Variants in GADL1 observed in about 807,000 individuals in gnomAD.
The protein encoded by GADL1 is GAD like acidic amino acid decarboxylase 1, also known as acidic amino acid decarboxylase GADL1.
GADL1 carries 71 observed loss-of-function variants against 69.5 expected under a neutral mutation model. That is an observed-to-expected ratio of 1.02 (90% CI 0.84 to 1.25). GADL1 has a LOEUF of 1.25. Among genes scored for constraint, GADL1 ranks in the 50% most tolerant of loss-of-function variants. The probability of loss-of-function intolerance (pLI) is 0.00; values close to 1 mark genes in which losing one functional copy is unlikely to be tolerated. For missense variants in GADL1, 737 were observed against 631.8 expected, an observed-to-expected ratio of 1.17 and a Z score of -1.79; for synonymous variants, 254 against 214.4, an observed-to-expected ratio of 1.18 and a Z score of -1.62.
chr3:30,836,561 A>G (rs1559356641), intron 9 of GADL1, among the ~76,000 whole-genome samples: 1 of 152,122 alleles, frequency 6.6e-6, no homozygotes, highest in African/African-American at 2.4e-5. Context: ...ACTATATGTG[A>G]GGCACCACAG....
intron 2 of GADL1, among the ~76,000 whole-genome samples, chr3:30,859,085 G>C (rs1698275945): frequency 6.6e-6 from 1 of 152,008 alleles, no homozygotes; most frequent in South Asian, 2.1e-4. Context: ...GACTTAGAGA[G>C]GTGGGGGCGG....
chr3:30,754,338 TATC>T (rs1430467757), intron 14 of GADL1, among the ~76,000 whole-genome samples: 1 of 150,328 alleles, frequency 6.7e-6, no homozygotes, highest in African/African-American at 2.5e-5. Flanking sequence ...TGAAACAAGT[TATC>T]AAGTAATATC....
intron 1 of GADL1, among the ~76,000 whole-genome samples, chr3:30,868,577 TGTG>T (rs1698436729): frequency 6.6e-6 from 1 of 151,368 alleles, no homozygotes; most frequent in Non-Finnish European, 1.5e-5. Context: ...AAGGGTCAAA[TGTG>T]GTAATGTGTG....
intron 1 of GADL1, among the ~76,000 whole-genome samples, chr3:30,868,815 A>G (rs1487127687): frequency 6.6e-6 from 1 of 151,888 alleles, no homozygotes; most frequent in Non-Finnish European, 1.5e-5. Flanking sequence ...AGCAATAGAA[A>G]AATAATGTTT....
intron 14 of GADL1, among the ~76,000 whole-genome samples, chr3:30,758,339 A>C (rs565988356): frequency 6.6e-6 from 1 of 152,156 alleles, no homozygotes; most frequent in Non-Finnish European, 1.5e-5. Context: ...TCTCTGGGCT[A>C]TTCTTTGCAG....
At chr3:30,771,966 A>AC (rs1171010669) in intron 14 of GADL1, among the ~76,000 whole-genome samples, 10 of 152,338 alleles carry the variant, frequency 6.6e-5, no homozygotes, top group Admixed American at 5.2e-4. Context: ...AGAGATACTG[A>AC]AGCCCTCCCT....
intron 1 of GADL1, among the ~76,000 whole-genome samples, chr3:30,888,883 T>C (rs1471859006): frequency 6.6e-6 from 1 of 151,722 alleles, no homozygotes; most frequent in African/African-American, 2.4e-5. Context: ...GGCAACCAGA[T>C]GTTAGAAAGA....
At chr3:30,861,822 A>G in intron 1 of GADL1, 57 bp from the exon 2 acceptor site, 3 of 1,162,590 alleles carry the variant, frequency 2.6e-6, no homozygotes, top group Non-Finnish European at 3.6e-6. Context: ...CCACATAACA[A>G]AGCACGGGAC....
chr3:30,777,943 C>G (rs1157800), intron 14 of GADL1, among the ~76,000 whole-genome samples: 17,906 of 152,148 alleles, frequency 0.12, 3,098 homozygotes, highest in African/African-American at 0.39. Flanking sequence ...ACACTGTGAG[C>G]CAGAACTTCT....
intron 14 of GADL1, among the ~76,000 whole-genome samples, chr3:30,751,839 AAC>A (rs1223362456): frequency 6.6e-6 from 1 of 152,188 alleles, no homozygotes; most frequent in Non-Finnish European, 1.5e-5. Flanking sequence ...TCTCTGACTA[AAC>A]ACAGAAGTAG....
In GADL1 at chr3:30,854,807, A is replaced by T; in HGVS notation, c.338-18T>A. 7.4e-7 allele frequency: 1 copy of T among 1,343,528 alleles called. No individual in the cohort carries two copies. The highest frequency in any genetic ancestry group is 1.0e-6 in the Non-Finnish European group (1 of 960,208). 83.2% of individuals were successfully genotyped at this position (1,343,528 alleles called of 1,614,324 possible). ...TGGGTGGTCTGTAAATTTAAAATGG[A>T]GTATTCATCTATGCAGCAATAAAAA... On this transcript the variant is annotated intron_variant, in intron 3 of 14. Coordinates refer to ENST00000282538, the MANE Select transcript of GADL1 (RefSeq NM_207359.3).
chr3:30,827,101 G>A (rs1697693300), intron 11 of GADL1, among the ~76,000 whole-genome samples: 1 of 151,920 alleles, frequency 6.6e-6, no homozygotes. Flanking sequence ...ACTTCACATT[G>A]TGGGTAAAAA....
At chr3:30,764,141 ACG>A (rs1301145311) in intron 14 of GADL1, among the ~76,000 whole-genome samples, 1 of 143,884 alleles carries the variant, frequency 7.0e-6, no homozygotes, top group African/African-American at 2.6e-5. Flanking sequence ...AAATATATTA[ACG>A]CTTTACTGAA....
intron 6 of GADL1, among the ~76,000 whole-genome samples, chr3:30,845,749 A>G (rs997432575): frequency 6.6e-6 from 1 of 152,178 alleles, no homozygotes; most frequent in African/African-American, 2.4e-5. Context: ...CCACCAGCCT[A>G]TGCTGGCTGG....
rs558740132 is a variant in GADL1, at chr3:30,793,615, TTCTGGCTTGA to T, written c.1251-7219_1251-7210del. Among the ~76,000 whole-genome samples the T allele has an allele frequency of 3.3e-4, 50 of 152,310 alleles. No homozygotes were observed. In the East Asian group the frequency reaches 3.7e-3, roughly 11 times the overall value. ...ACTGTGGGGTAAGAACATATTAGTA[TTCTGGCTTGA>T]TCTTGGCATATGCATTAATGATAAA... On this transcript the variant is annotated intron_variant, in intron 12 of 14. Transcript: ENST00000282538.
At chr3:30,877,674 C>T (rs2125543633) in intron 1 of GADL1, among the ~76,000 whole-genome samples, 1 of 151,860 alleles carries the variant, frequency 6.6e-6, no homozygotes, top group East Asian at 1.9e-4. Context: ...ATTAAAAGAT[C>T]AAACAACACA....
In GADL1 at chr3:30,749,041, C is replaced by T. The variant is rs1009398660; in HGVS notation, c.1393-20626G>A. Among the ~76,000 whole-genome samples, 3 of 152,198 alleles carry T rather than the reference C, an allele frequency of 2.0e-5. No homozygotes were observed. In the East Asian group the frequency reaches 5.8e-4, roughly 29 times the overall value. ...GGTTCTTTTACTATAATTATCAATTCCCGAATCAATCTTGCCTTCATGTAC... is the reference window on the plus strand; with the variant it reads ...GGTTCTTTTACTATAATTATCAATTTCCGAATCAATCTTGCCTTCATGTAC... On this transcript the variant is annotated intron_variant, in intron 14 of 14. Transcript: ENST00000282538.
chr3:30,828,780 C>T (rs1350984816), intron 11 of GADL1, among the ~76,000 whole-genome samples: 1 of 151,860 alleles, frequency 6.6e-6, no homozygotes, highest in African/African-American at 2.4e-5. Context: ...CATGTACACA[C>T]ATATGCACAT....
chr3:30,770,910 T>C lies in GADL1; in HGVS notation c.1392+7269A>G, dbSNP rs150194158. Among the ~76,000 whole-genome samples the C allele has an allele frequency of 1.7e-3, 260 of 152,274 alleles. 4 individuals are homozygous for C. The East Asian group carries it at 0.041, about 24-fold the overall frequency. On this transcript the variant is annotated intron_variant, in intron 14 of 14. Coordinates refer to ENST00000282538, the MANE Select transcript of GADL1 (RefSeq NM_207359.3). ...CTTTTCTGGAGAGTTCAAGTTACTA[T>C]CCACAAAACACATCTATGAAAATGT...
Sources: allele counts gnomAD v4.1 joint callset (sites outside exome capture counted in the v4.1 genomes callset), GRCh38; gene constraint gnomAD v4.1.1; transcripts MANE v1.5; gene names NCBI Gene and HGNC (gene_info 2026-07-23, HGNC 2026-07-21).